DLC1: variants seen among roughly 807,000 people sequenced by gnomAD.
The protein encoded by DLC1 is rho GTPase-activating protein 7.
A neutral mutation model predicts 140.3 loss-of-function variants in DLC1; 54 were observed. The ratio of observed to expected loss-of-function variants is 0.38; its 90% confidence interval spans 0.31 to 0.48. The LOEUF (loss-of-function observed/expected upper bound fraction) is 0.48. Among genes scored for constraint, DLC1 ranks in the 20% least tolerant of loss-of-function variants. The probability of loss-of-function intolerance (pLI) is 0.96; values close to 1 mark genes in which losing one functional copy is unlikely to be tolerated. For missense variants in DLC1, 2,536 were observed against 1,907.0 expected, an observed-to-expected ratio of 1.33 and a Z score of -6.14; for synonymous variants, 986 against 728.1, an observed-to-expected ratio of 1.35 and a Z score of -5.70.
Position 13,369,998 on chromosome 8 carries a change from G to A in DLC1, c.1314+23555C>T, listed in dbSNP as rs567227704. 4.0e-5 allele frequency among the ~76,000 whole-genome samples: 6 copies of A among 150,330 alleles called. No individual in the cohort carries two copies. The East Asian group carries it at 9.8e-4, about 24-fold the overall frequency. On this transcript the variant is annotated intron_variant, in intron 4 of 17. Transcript: ENST00000276297. ...TCTTTGGGACTGGTCACTCCTCCTCGCTCACTTGGCCCCAGAAGAATGACC... is the reference window on the plus strand; with the variant it reads ...TCTTTGGGACTGGTCACTCCTCCTCACTCACTTGGCCCCAGAAGAATGACC...
intron 1 of DLC1, among the ~76,000 whole-genome samples, chr8:13,590,732 T>C (rs565215623): frequency 6.6e-6 from 1 of 152,236 alleles, no homozygotes; most frequent in South Asian, 2.1e-4. Context: ...AGCAGTGATT[T>C]TAAATAGCTT....
chr8:13,581,047 T>C (rs897865993), intron 1 of DLC1, among the ~76,000 whole-genome samples: 4 of 152,148 alleles, frequency 2.6e-5, no homozygotes, highest in African/African-American at 9.7e-5. Flanking sequence ...ACCTTAAAGT[T>C]GTCAGTAGTC....
chr8:13,090,042 C>T (rs1188193767), intron 15 of DLC1, among the ~76,000 whole-genome samples: 4 of 152,224 alleles, frequency 2.6e-5, no homozygotes, highest in Non-Finnish European at 5.9e-5. Flanking sequence ...GAAATCCTCT[C>T]CCAAGTGTTA....
At chr8:13,363,065 T>C (rs1364709712) in intron 4 of DLC1, among the ~76,000 whole-genome samples, 2 of 152,202 alleles carry the variant, frequency 1.3e-5, no homozygotes, top group African/African-American at 4.8e-5. Context: ...ATATTGGTCT[T>C]TGCCATCACA....
At position 13,094,794 on chromosome 8, in the gene DLC1, T is replaced by C. The variant is rs1368625253; in HGVS notation, c.3491A>G (p.Asn1164Ser). ...FRDLPEPLMTNKLSETFLQIY... is the reference protein window; with the variant it reads ...FRDLPEPLMTSKLSETFLQIY... ...CTGTAGAAAGGTTTCCGAGAGTTTG[T>C]TCGTCATTAGTGGCTCAGGAAGATC... Residue 1164 changes from asparagine to serine, a missense_variant, in exon 12 of 18, where the codon AAC becomes AGC. Asn to Ser is a conservative substitution (Grantham distance 46). Transcript: ENST00000276297. The C allele has an allele frequency of 6.2e-7, 1 of 1,614,218 alleles. No individual in the cohort carries two copies. The highest frequency in any genetic ancestry group is 2.2e-5 in the East Asian group (1 of 44,886).
intron 2 of DLC1, among the ~76,000 whole-genome samples, chr8:13,429,942 T>C (rs1838781729): frequency 6.6e-6 from 1 of 152,214 alleles, no homozygotes; most frequent in Non-Finnish European, 1.5e-5. Flanking sequence ...ATTTAAATGC[T>C]ATCTGATATT....
chr8:13,385,007 G>C (rs149305144), intron 4 of DLC1, among the ~76,000 whole-genome samples: 239 of 152,198 alleles, frequency 1.6e-3, no homozygotes, highest in African/African-American at 5.3e-3. Context: ...ATTACTCAAA[G>C]AACATCTTAT....
chr8:13,445,980 T>C (rs1423368221), intron 2 of DLC1, among the ~76,000 whole-genome samples: 1 of 152,162 alleles, frequency 6.6e-6, no homozygotes, highest in Middle Eastern at 3.2e-3. Flanking sequence ...GTTTAAGTCC[T>C]TACTTGGTCA....
At chr8:13,292,530 C>T (rs1429045555) in intron 5 of DLC1, among the ~76,000 whole-genome samples, 1 of 152,158 alleles carries the variant, frequency 6.6e-6, no homozygotes, top group Non-Finnish European at 1.5e-5. Context: ...CTTAATGTCC[C>T]CCTTTGGGTA....
At chr8:13,165,702 C>T (rs774392476) in intron 5 of DLC1, among the ~76,000 whole-genome samples, 20 of 152,322 alleles carry the variant, frequency 1.3e-4, no homozygotes, top group Middle Eastern at 3.4e-3. Flanking sequence ...ATCAAAACAT[C>T]GGCCTCTACA....
chr8:13,309,289 C>A (rs529117420), intron 4 of DLC1, among the ~76,000 whole-genome samples: 1 of 151,998 alleles, frequency 6.6e-6, no homozygotes, highest in Non-Finnish European at 1.5e-5. Flanking sequence ...AAATGACTTC[C>A]AAATGAAAGG....
intron 5 of DLC1, among the ~76,000 whole-genome samples, chr8:13,144,224 G>C (rs1213297612): frequency 6.6e-6 from 1 of 152,134 alleles, no homozygotes; most frequent in African/African-American, 2.4e-5. Context: ...CTGGGGTTGG[G>C]TCACCATCTT....
chr8:13,240,699 C>T (rs980537250), intron 5 of DLC1, among the ~76,000 whole-genome samples: 2 of 152,188 alleles, frequency 1.3e-5, no homozygotes, highest in African/African-American at 4.8e-5. Context: ...TCCCAAAGTG[C>T]TGGGATTACA....
At chr8:13,093,715 T>C (rs928171958) in intron 12 of DLC1, among the ~76,000 whole-genome samples, 2 of 152,152 alleles carry the variant, frequency 1.3e-5, no homozygotes, top group Non-Finnish European at 1.5e-5. Context: ...TTATAAAATA[T>C]GAAAGGATGA....
intron 5 of DLC1, among the ~76,000 whole-genome samples, chr8:13,294,630 A>T (rs893898432): frequency 1.3e-5 from 2 of 152,182 alleles, no homozygotes; most frequent in African/African-American, 2.4e-5. Context: ...ACTACAGAGG[A>T]AGGTGCGTGC....
At chr8:13,597,832 T>G (rs1805733734) in intron 1 of DLC1, among the ~76,000 whole-genome samples, 2 of 152,088 alleles carry the variant, frequency 1.3e-5, no homozygotes, top group South Asian at 4.1e-4. Flanking sequence ...TATAGAAACA[T>G]GCTGATCTAT....
intron 4 of DLC1, among the ~76,000 whole-genome samples, chr8:13,325,614 T>C (rs1453277898): frequency 6.6e-6 from 1 of 152,160 alleles, no homozygotes; most frequent in Non-Finnish European, 1.5e-5. Context: ...CAGTCAACCA[T>C]GGGTCTTTCA....
At chr8:13,142,597 T>G (rs1431096237) in intron 5 of DLC1, among the ~76,000 whole-genome samples, 2 of 152,168 alleles carry the variant, frequency 1.3e-5, no homozygotes, top group African/African-American at 4.8e-5. Flanking sequence ...AAAATTAGGA[T>G]AACTACATAT....
At chr8:13,435,398 C>G (rs1164489858) in intron 2 of DLC1, among the ~76,000 whole-genome samples, 1 of 152,092 alleles carries the variant, frequency 6.6e-6, no homozygotes, top group African/African-American at 2.4e-5. Flanking sequence ...ACTGCAAACT[C>G]CACCTCCCGG....
Sources: gnomAD v4.1 joint callset for allele counts (sites outside exome capture counted in the v4.1 genomes callset) on GRCh38, gnomAD v4.1.1 for gene constraint, MANE v1.5 for transcripts, NCBI Gene and HGNC (gene_info 2026-07-23, HGNC 2026-07-21) for gene names.